Variants in ZNF407 observed in about 807,000 individuals in gnomAD.
The protein encoded by ZNF407 is zinc finger protein 407.
A neutral mutation model predicts 131.2 loss-of-function variants in ZNF407; 17 were observed. The observed-to-expected ratio is 0.13, with a 90% CI of 0.09 to 0.19. The LOEUF (loss-of-function observed/expected upper bound fraction) is 0.19, where lower values mean the gene tolerates loss of function less well. Among genes scored for constraint, ZNF407 ranks in the 10% least tolerant of loss-of-function variants. The pLI, the probability that ZNF407 is intolerant of heterozygous loss-of-function variation, is 1.00. For missense variants in ZNF407, 2,681 were observed against 2,830.6 expected (o/e 0.95, Z 1.20); for synonymous variants, 1,156 against 1,062.0 (o/e 1.09, Z -1.72).
intron 3 of ZNF407, among the ~76,000 whole-genome samples, chr18:74,719,341 G>A (rs1599096442): frequency 6.6e-6 from 1 of 151,838 alleles, no homozygotes; most frequent in Non-Finnish European, 1.5e-5. Context: ...TTCCTCCTAC[G>A]CTTCCTACCC....
At chr18:74,903,973 A>T (rs1447283020) in intron 7 of ZNF407, among the ~76,000 whole-genome samples, 1 of 152,192 alleles carries the variant, frequency 6.6e-6, no homozygotes, top group Admixed American at 6.5e-5. Context: ...TCATCAGCAT[A>T]TTAAAGACTC....
chr18:74,805,785 G>T (rs567095515), intron 4 of ZNF407, among the ~76,000 whole-genome samples: 1 of 152,150 alleles, frequency 6.6e-6, no homozygotes, highest in Non-Finnish European at 1.5e-5. Flanking sequence ...AACTGGAACT[G>T]ATTATAATGT....
intron 7 of ZNF407, among the ~76,000 whole-genome samples, chr18:74,900,699 T>C (rs1422907916): frequency 6.6e-6 from 1 of 152,212 alleles, no homozygotes; most frequent in Admixed American, 6.5e-5. Flanking sequence ...CATAAGCCAG[T>C]TGAAGAGCAC....
At chr18:74,851,707 A>T (rs1970786250) in intron 4 of ZNF407, among the ~76,000 whole-genome samples, 1 of 152,202 alleles carries the variant, frequency 6.6e-6, no homozygotes, top group Non-Finnish European at 1.5e-5. Context: ...CAGCAGATTT[A>T]GATGAATGAG....
intron 8 of ZNF407, among the ~76,000 whole-genome samples, chr18:74,987,071 T>G (rs564315239): frequency 6.6e-6 from 1 of 152,312 alleles, no homozygotes; most frequent in South Asian, 2.1e-4. Flanking sequence ...ACCAGACATT[T>G]TGACTAAACA....
At chr18:74,883,758 C>A (rs557189817) in intron 6 of ZNF407, among the ~76,000 whole-genome samples, 3 of 152,328 alleles carry the variant, frequency 2.0e-5, no homozygotes, top group African/African-American at 7.2e-5. Context: ...GACAGCCCTT[C>A]TGCTGTTCAT....
At chr18:75,022,132 G>GA (rs59536054) in intron 8 of ZNF407, among the ~76,000 whole-genome samples, 2 of 151,816 alleles carry the variant, frequency 1.3e-5, no homozygotes, top group South Asian at 2.1e-4. Context: ...TTTTTTAAAA[G>GA]AAAAAAATGA....
At chr18:74,691,183 G>A (rs956623229) in intron 3 of ZNF407, among the ~76,000 whole-genome samples, 4 of 152,100 alleles carry the variant, frequency 2.6e-5, no homozygotes, top group Non-Finnish European at 5.9e-5. Context: ...GGAGGCTGAG[G>A]CAGGAGAATT....
chr18:74,967,709 G>C (rs1458080680), intron 8 of ZNF407, among the ~76,000 whole-genome samples: 1 of 152,194 alleles, frequency 6.6e-6, no homozygotes, highest in Non-Finnish European at 1.5e-5. Flanking sequence ...AAACTGAACT[G>C]TTTTAGAAGT....
In ZNF407 at chr18:74,617,734, G is replaced by A. The variant is rs1005178030; in HGVS notation, c.-53-13233G>A. 4.7e-4 allele frequency among the ~76,000 whole-genome samples: 72 copies of A among 152,260 alleles called. 1 individual carries two copies. The highest frequency in any genetic ancestry group is 1.6e-3 in the African/African-American group (68 of 41,542). ...GAGGATGTTGATTTTGATCATACAG[G>A]CAAGGTGTTGCCAGTTTATCCACTG... On this transcript the variant is annotated intron_variant, in intron 1 of 8. Coordinates refer to ENST00000299687, the MANE Select transcript of ZNF407 (RefSeq NM_017757.3).
At chr18:74,706,940 C>CCTTTTTTTTTTTT (rs1967637808) in intron 3 of ZNF407, among the ~76,000 whole-genome samples, 49 of 132,348 alleles carry the variant, frequency 3.7e-4, no homozygotes, top group Non-Finnish European at 6.6e-4. Context: ...AAGACAGCAG[C>CCTTTTTTTTTTTT]TTTTTTTTTT....
chr18:74,948,422 T>C (rs1972178433), intron 8 of ZNF407, among the ~76,000 whole-genome samples: 1 of 152,196 alleles, frequency 6.6e-6, no homozygotes, highest in African/African-American at 2.4e-5. Context: ...TAGCTGACTT[T>C]TTTCCCTCAT....
chr18:74,778,096 G>A (rs1253095628), intron 3 of ZNF407, among the ~76,000 whole-genome samples: 1 of 152,196 alleles, frequency 6.6e-6, no homozygotes, highest in Non-Finnish European at 1.5e-5. Context: ...TCAGATGCCT[G>A]AGATGGCTTT....
chr18:74,653,974 G>A (rs1047277608), intron 3 of ZNF407, among the ~76,000 whole-genome samples: 2 of 151,750 alleles, frequency 1.3e-5, no homozygotes, highest in Non-Finnish European at 3.0e-5. Flanking sequence ...TAATTTTAAT[G>A]AGTGCTCAAT....
intron 8 of ZNF407, among the ~76,000 whole-genome samples, chr18:74,985,586 G>A (rs899777679): frequency 1.3e-5 from 2 of 152,164 alleles, no homozygotes; most frequent in South Asian, 2.1e-4. Flanking sequence ...GTTAAAATTC[G>A]GAATTAAGAG....
chr18:74,928,934 G>T (rs146124228), intron 8 of ZNF407, among the ~76,000 whole-genome samples: 1 of 152,162 alleles, frequency 6.6e-6, no homozygotes, highest in East Asian at 1.9e-4. Context: ...TTTTTAAAAA[G>T]AATATCATCC....
intron 4 of ZNF407, among the ~76,000 whole-genome samples, chr18:74,820,822 G>A (rs912485309): frequency 6.6e-6 from 1 of 152,094 alleles, no homozygotes; most frequent in Non-Finnish European, 1.5e-5. Context: ...CGAAAATGGG[G>A]CATCACCTAT....
At chr18:74,674,382 A>G (rs1233003500) in intron 3 of ZNF407, among the ~76,000 whole-genome samples, 1 of 152,230 alleles carries the variant, frequency 6.6e-6, no homozygotes, top group Non-Finnish European at 1.5e-5. Context: ...GTCATCCTGT[A>G]GCTGGTTTAC....
intron 8 of ZNF407, among the ~76,000 whole-genome samples, chr18:74,954,344 T>A (rs1972251649): frequency 6.6e-6 from 1 of 152,178 alleles, no homozygotes; most frequent in Non-Finnish European, 1.5e-5. Flanking sequence ...TTAATATATA[T>A]CTTTAATCTA....
Sources: gnomAD v4.1 joint callset for allele counts (sites outside exome capture counted in the v4.1 genomes callset) on GRCh38, gnomAD v4.1.1 for gene constraint, MANE v1.5 for transcripts, NCBI Gene and HGNC (gene_info 2026-07-23, HGNC 2026-07-21) for gene names.